FAT1: variants seen among roughly 807,000 people sequenced by gnomAD.
FAT1 encodes protocadherin Fat 1.
Under a neutral mutation model 329.8 loss-of-function variants are expected in FAT1, and 171 were observed. That is an observed-to-expected ratio of 0.52 (90% CI 0.46 to 0.59). The LOEUF (loss-of-function observed/expected upper bound fraction) is 0.59. Ranked by LOEUF, FAT1 falls within the 20% of genes least tolerant of loss-of-function variation. FAT1 has a pLI of 0.00. For synonymous variants in FAT1, 2,233 were observed against 2,228.6 expected, an observed-to-expected ratio of 1.00 and a Z score of -0.06; for missense variants, 5,672 against 5,774.4, an observed-to-expected ratio of 0.98 and a Z score of 0.57.
At chr4:186,709,938 T>G in intron 1 of FAT1, 93 bp from the exon 2 acceptor site, 1 of 1,169,490 alleles carries the variant, frequency 8.6e-7, no homozygotes, top group South Asian at 1.7e-5. Flanking sequence ...AAAAATATTT[T>G]CCATACACAT....
rs775508916 is a variant in FAT1, at chr4:186,596,888, C to T, written c.12652G>A (p.Asp4218Asn). Residue 4218 changes from aspartate (D) to asparagine (N), a missense_variant, in exon 25 of 27, where the codon GAC becomes AAC. Asp to Asn is a conservative substitution (Grantham distance 23). Around this residue, in one of 2 missense-constraint regions of FAT1, gnomAD observed 1,706 missense variants for 1,859.1 expected, o/e 0.92. Coordinates refer to ENST00000441802, the MANE Select transcript of FAT1 (RefSeq NM_005245.4). This position sits in a 1 kb window ranked among gnomAD's most constrained non-coding sequence, Gnocchi z 4.7. ...GCCGTAGCGGGTCCCAGGTGCTTGT[C>T]TTTAGGTTCAGCCTGATGCTTCTTT... ...RKKKHQAEPK[D>N]KHLGPATAFL... 3 of 1,614,014 alleles carry T rather than the reference C, an allele frequency of 1.9e-6. No homozygotes were observed. Among genetic ancestry groups the T allele is most frequent in the South Asian group, 1.1e-5 (1 of 91,078 alleles).
At chr4:186,646,726 GA>G (rs34078009) in intron 3 of FAT1, among the ~76,000 whole-genome samples, 73,846 of 147,434 alleles carry the variant, frequency 0.5, 18,653 homozygotes, top group East Asian at 0.8. Flanking sequence ...AACCTACATA[GA>G]AAAAAAAAAA....
intron 2 of FAT1, among the ~76,000 whole-genome samples, chr4:186,678,438 A>G (rs1266758766): frequency 6.7e-6 from 1 of 149,638 alleles, no homozygotes; most frequent in Non-Finnish European, 1.5e-5. Flanking sequence ...TTATTATAAT[A>G]TAATAATAAA....
At chr4:186,609,758 A>T (rs2126458444) in intron 15 of FAT1, 43 bp downstream of exon 15, 1 of 1,372,528 alleles carries the variant, frequency 7.3e-7, no homozygotes, top group Non-Finnish European at 1.0e-6. Context: ...GCAAAGATCC[A>T]GAAGATACAC....
In FAT1 at chr4:186,628,196, C is replaced by T. The variant is rs766637744; in HGVS notation, c.4768G>A (p.Asp1590Asn). ...VVLQVTALDK[D>N]KGKNAEVLYS... ...AGCACTTCAGCATTTTTCCCTTTGT[C>T]CTTGTCCAGAGCCGTCACCTGCAAC... The change falls in exon 9 of 27, where the codon GAC becomes AAC. Residue 1590 changes from aspartate (D) to asparagine (N), a missense_variant. This residue lies in a region of FAT1 where 3,966 missense variants were observed against 3,915.2 expected (regional missense o/e 1.01). Coordinates refer to ENST00000441802, the MANE Select transcript of FAT1 (RefSeq NM_005245.4). 6 of 1,613,926 alleles carry T rather than the reference C, an allele frequency of 3.7e-6. No homozygotes were observed. In the Middle Eastern group the frequency reaches 4.9e-4, roughly 133 times the overall value.
rs2126448160 is a variant in FAT1 at position 186,606,169 on chromosome 4, A to G, written c.10251T>C (p.Ser3417=). 1.9e-6 allele frequency: 3 copies of G among 1,612,412 alleles called. No individual in the cohort carries two copies. Among genetic ancestry groups the G allele is most frequent in the Non-Finnish European group, 1.7e-6 (2 of 1,179,518 alleles). ...CGGTCGTCGTGTTGACTCTGGGTGG[A>G]CTGCCATTATCAGAAGCTTGAACCG... ...TLTVQASDNG[S]PPRVNTTTVN... Residue 3417 remains serine (S), a synonymous_variant, in exon 17 of 27, where the codon AGT becomes AGC. Transcript: ENST00000441802.
At chr4:186,700,416 G>A (rs145150508) in intron 2 of FAT1, among the ~76,000 whole-genome samples, 2 of 152,298 alleles carry the variant, frequency 1.3e-5, no homozygotes, top group South Asian at 2.1e-4. Context: ...TCGCTGGCCT[G>A]ATCTTGACTT....
At chr4:186,671,636 T>C (rs1392981833) in intron 2 of FAT1, among the ~76,000 whole-genome samples, 2 of 151,876 alleles carry the variant, frequency 1.3e-5, no homozygotes, top group Non-Finnish European at 2.9e-5. Flanking sequence ...GAGGTGGAGG[T>C]TGCGGTGAGC....
chr4:186,603,742 G>A lies in FAT1; in HGVS notation c.10784C>T (p.Thr3595Ile). The change falls in exon 19 of 27, where the codon ACA becomes ATA. Residue 3595 changes from threonine (T) to isoleucine (I), a missense_variant. Thr to Ile is a moderately conservative substitution (Grantham distance 89). Around this residue, in one of 2 missense-constraint regions of FAT1, gnomAD observed 1,706 missense variants for 1,859.1 expected, o/e 0.92. Transcript: ENST00000441802. ...QMDNLFSVSS[T>I]GGKLIAHKKL... ...TTTGTGTGCTATCAGCTTGCCCCCT[G>A]TGCTGGAAACAGAGAACAGGTTGTC... 1 of 1,613,936 alleles carries A rather than the reference G, an allele frequency of 6.2e-7. No individual in the cohort carries two copies. The highest frequency in any genetic ancestry group is 1.3e-5 in the African/African-American group (1 of 75,032).
At chr4:186,609,565 C>T (rs370195777) in intron 15 of FAT1, among the ~76,000 whole-genome samples, 2 of 152,006 alleles carry the variant, frequency 1.3e-5, no homozygotes, top group African/African-American at 2.4e-5. Context: ...TACAGGCGCC[C>T]GCCACCACGC....
At chr4:186,647,338 A>G (rs755073141) in intron 3 of FAT1, among the ~76,000 whole-genome samples, 1 of 152,174 alleles carries the variant, frequency 6.6e-6, no homozygotes, top group African/African-American at 2.4e-5. Flanking sequence ...GGAGCTACCA[A>G]TACACACTAC....
intron 4 of FAT1, among the ~76,000 whole-genome samples, 167 bp from the exon 5 acceptor site, chr4:186,637,081 G>A (rs1740866483): frequency 6.6e-6 from 1 of 152,168 alleles, no homozygotes; most frequent in Non-Finnish European, 1.5e-5. Context: ...GTAAGGAGGT[G>A]AGGCAGCACC....
In FAT1 at chr4:186,618,256, G is replaced by A. The variant is rs1361749508; in HGVS notation, c.8330C>T (p.Ser2777Phe). Residue 2777 changes from serine (S) to phenylalanine (F), a missense_variant, in exon 10 of 27, where the codon TCC becomes TTC. Ser to Phe is a radical substitution (Grantham distance 155). This residue lies in a region of FAT1 where 3,966 missense variants were observed against 3,915.2 expected (regional missense o/e 1.01). Coordinates refer to ENST00000441802, the MANE Select transcript of FAT1 (RefSeq NM_005245.4). The stretch of plus-strand genomic sequence containing the variant: ...ATCTTGAGTGCACCTGGCCAGTATG[G>A]AAAACTGATACCACTTAGTTGTCTC... ...DHETTKWYQF[S>F]ILARCTQDDH... 2.5e-6 allele frequency: 4 copies of A among 1,613,994 alleles called. No homozygotes were observed. The Admixed American group carries it at 6.7e-5, about 27-fold the overall frequency.
At chr4:186,604,882 A>AGAG (rs1306458650) in intron 17 of FAT1, among the ~76,000 whole-genome samples, 3 of 151,214 alleles carry the variant, frequency 2.0e-5, no homozygotes, top group Non-Finnish European at 3.0e-5. Context: ...GGAAGAGCAG[A>AGAG]GAGGAGGAGG....
chr4:186,666,291 T>C (rs1180190768), intron 2 of FAT1, among the ~76,000 whole-genome samples: 2 of 152,180 alleles, frequency 1.3e-5, no homozygotes, highest in African/African-American at 4.8e-5. Context: ...TCAAACATGC[T>C]TCCCTGTTCT....
chr4:186,618,954 C>T lies in FAT1; in HGVS notation c.7632G>A (p.Glu2544=), dbSNP rs773444815. Residue 2544 remains glutamate (E), a synonymous_variant, in exon 10 of 27, where the codon GAG becomes GAA. Coordinates refer to ENST00000441802, the MANE Select transcript of FAT1 (RefSeq NM_005245.4). ...DFAKDRFYIN[E]RGQIFTLEKL... ...TTTCCAAAGTAAATATCTGTCCTCT[C>T]TCATTTATGTAAAATCTGTCTTTGG... 1.5e-5 allele frequency: 24 copies of T among 1,613,852 alleles called. No homozygotes were observed. Among genetic ancestry groups the T allele is most frequent in the Non-Finnish European group, 1.9e-5 (23 of 1,179,908 alleles).
chr4:186,678,537 A>G (rs1270023023), intron 2 of FAT1, among the ~76,000 whole-genome samples: 2 of 148,918 alleles, frequency 1.3e-5, no homozygotes, highest in East Asian at 3.9e-4. Flanking sequence ...TATTTTATAC[A>G]TGTATAGCTA....
At chr4:186,659,352 T>TG (rs1742059650) in intron 3 of FAT1, among the ~76,000 whole-genome samples, 1 of 152,226 alleles carries the variant, frequency 6.6e-6, no homozygotes, top group African/African-American at 2.4e-5. Context: ...ATGCTTTAAA[T>TG]GATGATAACT....
At chr4:186,661,572 T>C (rs1478531327) in intron 3 of FAT1, among the ~76,000 whole-genome samples, 3 of 152,238 alleles carry the variant, frequency 2.0e-5, no homozygotes, top group Admixed American at 2.0e-4. Flanking sequence ...ACCCTGACTC[T>C]ACCGGGACAG....
Sources: gnomAD v4.1 joint callset for allele counts (sites outside exome capture counted in the v4.1 genomes callset) on GRCh38, gnomAD v4.1.1 for gene constraint, gnomAD v4.1.1 regional missense constraint, Gnocchi (gnomAD v3.1) non-coding constraint, MANE v1.5 for transcripts, NCBI Gene and HGNC (gene_info 2026-07-23, HGNC 2026-07-21) for gene names.